FSTL5: variants seen among roughly 807,000 people sequenced by gnomAD.
FSTL5 encodes the protein follistatin like 5.
FSTL5 carries 62 observed loss-of-function variants against 89.1 expected under a neutral mutation model. The ratio of observed to expected loss-of-function variants is 0.70; its 90% CI spans 0.57 to 0.86. FSTL5 has a LOEUF of 0.86. FSTL5 is among the 40% of genes least tolerant of loss of function. The probability of loss-of-function intolerance (pLI) is 0.00; values close to 1 mark genes in which losing one functional copy is unlikely to be tolerated. For synonymous variants in FSTL5, 383 were observed against 346.2 expected (o/e 1.11, Z -1.18); for missense variants, 1,057 against 1,001.6 (o/e 1.06, Z -0.75).
At chr4:162,108,222 A>G (rs1281133844) in intron 2 of FSTL5, among the ~76,000 whole-genome samples, 1 of 152,122 alleles carries the variant, frequency 6.6e-6, no homozygotes, top group African/African-American at 2.4e-5. Context: ...ATTCATTTCT[A>G]TCTCAAGATA....
chr4:161,826,747 T>G (rs1370809740), intron 4 of FSTL5, among the ~76,000 whole-genome samples: 1 of 152,204 alleles, frequency 6.6e-6, no homozygotes, highest in African/African-American at 2.4e-5. Flanking sequence ...ATAGACTATC[T>G]TTTTCTACCC....
At chr4:161,745,150 A>T (rs957177009) in intron 6 of FSTL5, among the ~76,000 whole-genome samples, 1 of 152,098 alleles carries the variant, frequency 6.6e-6, no homozygotes, top group African/African-American at 2.4e-5. Flanking sequence ...ATTGAAGCTG[A>T]TAAGTCCCAC....
chr4:161,982,842 G>C (rs7675218), intron 3 of FSTL5, among the ~76,000 whole-genome samples: 113,232 of 152,054 alleles, frequency 0.74, 43,222 homozygotes, highest in Middle Eastern at 0.85. Context: ...TTCTTTCGAA[G>C]TTAAGATTTT....
At chr4:162,008,102 G>GA (rs1200799714) in intron 3 of FSTL5, among the ~76,000 whole-genome samples, 18 of 151,766 alleles carry the variant, frequency 1.2e-4, no homozygotes, top group African/African-American at 3.4e-4. Flanking sequence ...AAGGAATAAT[G>GA]AAAATTGTAT....
At chr4:162,112,219 C>CT (rs1731471652) in intron 1 of FSTL5, among the ~76,000 whole-genome samples, 1 of 151,980 alleles carries the variant, frequency 6.6e-6, no homozygotes, top group South Asian at 2.1e-4. Context: ...CAAAGCCAAT[C>CT]TGTTATGTCT....
At chr4:162,046,120 C>T (rs1433061032) in intron 2 of FSTL5, among the ~76,000 whole-genome samples, 1 of 152,132 alleles carries the variant, frequency 6.6e-6, no homozygotes, top group Non-Finnish European at 1.5e-5. Flanking sequence ...AATAACCACT[C>T]ACTATTGGAA....
chr4:162,118,828 T>G (rs1029231695), intron 1 of FSTL5, among the ~76,000 whole-genome samples: 28 of 152,086 alleles, frequency 1.8e-4, no homozygotes, highest in African/African-American at 6.8e-4. Context: ...AAAAATATTT[T>G]CAGTAAGTAT....
At chr4:161,397,448 A>T (rs891578203) in intron 15 of FSTL5, among the ~76,000 whole-genome samples, 3 of 151,810 alleles carry the variant, frequency 2.0e-5, no homozygotes, top group African/African-American at 7.2e-5. Flanking sequence ...AATATAGGCT[A>T]TATAATATAG....
At chr4:161,995,263 C>A (rs1736254505) in intron 3 of FSTL5, among the ~76,000 whole-genome samples, 1 of 152,072 alleles carries the variant, frequency 6.6e-6, no homozygotes, top group Non-Finnish European at 1.5e-5. Flanking sequence ...ATTTTTACAT[C>A]CATAGCATTA....
chr4:161,657,855 T>A (rs1736570727), intron 6 of FSTL5, among the ~76,000 whole-genome samples: 1 of 152,158 alleles, frequency 6.6e-6, no homozygotes, highest in Non-Finnish European at 1.5e-5. Flanking sequence ...CATTATCTGA[T>A]AAAATGAAAC....
At chr4:161,792,449 A>T (rs562353859) in intron 4 of FSTL5, among the ~76,000 whole-genome samples, 1 of 152,202 alleles carries the variant, frequency 6.6e-6, no homozygotes, top group Non-Finnish European at 1.5e-5. Flanking sequence ...CCCACCTTCA[A>T]CCCAGGAATG....
intron 7 of FSTL5, among the ~76,000 whole-genome samples, chr4:161,652,381 G>T (rs981167123): frequency 6.6e-6 from 1 of 152,106 alleles, no homozygotes. Flanking sequence ...GCTACAGTGA[G>T]CTGTGATTCT....
intron 2 of FSTL5, among the ~76,000 whole-genome samples, chr4:162,102,480 C>A (rs1254403556): frequency 6.7e-6 from 1 of 149,986 alleles, no homozygotes; most frequent in Non-Finnish European, 1.5e-5. Context: ...CAGCCTTTGG[C>A]ACATATGATG....
intron 4 of FSTL5, among the ~76,000 whole-genome samples, chr4:161,804,560 A>G (rs541949885): frequency 2.1e-4 from 32 of 151,872 alleles, no homozygotes; most frequent in African/African-American, 7.2e-4. Context: ...AAAAACTATC[A>G]TACTTTCCCT....
At chr4:161,729,793 G>A (rs1355335882) in intron 6 of FSTL5, among the ~76,000 whole-genome samples, 1 of 152,144 alleles carries the variant, frequency 6.6e-6, no homozygotes, top group Non-Finnish European at 1.5e-5. Flanking sequence ...GATTAAAACT[G>A]AACTCAATTC....
intron 6 of FSTL5, among the ~76,000 whole-genome samples, chr4:161,756,352 A>G (rs1049987460): frequency 2.6e-5 from 4 of 152,058 alleles, no homozygotes; most frequent in Non-Finnish European, 5.9e-5. Flanking sequence ...TTTGTATTAT[A>G]CATAAATTTG....
chr4:161,467,596 G>A (rs1733790071), intron 13 of FSTL5, among the ~76,000 whole-genome samples: 1 of 152,058 alleles, frequency 6.6e-6, no homozygotes, highest in Non-Finnish European at 1.5e-5. Context: ...ACCTCAAGAG[G>A]ATTTAAAATT....
intron 15 of FSTL5, among the ~76,000 whole-genome samples, chr4:161,447,801 C>T (rs1019773625): frequency 6.6e-6 from 1 of 152,100 alleles, no homozygotes; most frequent in African/African-American, 2.4e-5. Flanking sequence ...TGAAGCTTTG[C>T]ACCCATGTAA....
intron 4 of FSTL5, among the ~76,000 whole-genome samples, chr4:161,880,018 C>T (rs2126909630): frequency 6.6e-6 from 1 of 152,250 alleles, no homozygotes; most frequent in Admixed American, 6.5e-5. Flanking sequence ...CAGTAGACAT[C>T]TTTCTCAAGA....
Sources: gnomAD v4.1 joint callset for allele counts (sites outside exome capture counted in the v4.1 genomes callset) on GRCh38, gnomAD v4.1.1 for gene constraint, MANE v1.5 for transcripts, NCBI Gene and HGNC (gene_info 2026-07-23, HGNC 2026-07-21) for gene names.